HUWE1: variants seen among roughly 807,000 people sequenced by gnomAD.
The protein encoded by HUWE1 is HECT, UBA and WWE domain containing E3 ubiquitin protein ligase 1, also known as E3 ubiquitin-protein ligase HUWE1.
In HUWE1, 18 loss-of-function variants were observed where a neutral mutation model predicts 299.4. That is an observed-to-expected ratio of 0.06 (90% CI 0.04 to 0.09). The LOEUF (loss-of-function observed/expected upper bound fraction) is 0.09. HUWE1 is among the 10% of genes least tolerant of loss of function. The pLI is 1.00. For missense variants in HUWE1, 1,832 were observed against 3,462.3 expected (o/e 0.53, Z 11.82); for synonymous variants, 1,317 against 1,286.1 (o/e 1.02, Z -0.51).
At chrX:53,535,683 G>C (rs1378113280) in intron 80 of HUWE1, among the ~76,000 whole-genome samples, 182 bp from the exon 81 acceptor site, 1 of 111,499 alleles carries the variant, frequency 9.0e-6, no homozygotes, top group Non-Finnish European at 1.9e-5. Context: ...AAAGGCTTTG[G>C]GTAGGAAAGA....
intron 42 of HUWE1, among the ~76,000 whole-genome samples, chrX:53,582,254 C>T (rs1305887746): frequency 1.8e-5 from 2 of 112,438 alleles, no homozygotes; most frequent in Non-Finnish European, 3.8e-5. Context: ...TTATAGAAAG[C>T]GTTTCAAGCA....
At chrX:53,591,276 C>T (rs1602936193) in intron 33 of HUWE1, among the ~76,000 whole-genome samples, 154 bp from the exon 34 acceptor site, 1 of 112,132 alleles carries the variant, frequency 8.9e-6, no homozygotes, top group African/African-American at 3.2e-5. Flanking sequence ...AATGAACAAT[C>T]CTTTCTGTTT....
At chrX:53,648,782 C>A (rs1557038096) in intron 4 of HUWE1, among the ~76,000 whole-genome samples, 1 of 111,512 alleles carries the variant, frequency 9.0e-6, no homozygotes, top group Admixed American at 9.5e-5. Context: ...AAGATTAGCA[C>A]TAGCTATATT....
intron 3 of HUWE1, among the ~76,000 whole-genome samples, chrX:53,655,769 G>A (rs1034896938): frequency 1.1e-4 from 12 of 111,797 alleles, no homozygotes; most frequent in African/African-American, 3.3e-4. Flanking sequence ...GCTGCAAGAC[G>A]TAGCAGCCAG....
At chrX:53,645,720 GAAAAA>G (rs1228305226) in intron 6 of HUWE1, among the ~76,000 whole-genome samples, 2 of 24,433 alleles carry the variant, frequency 8.2e-5, no homozygotes, top group Non-Finnish European at 5.9e-5. Context: ...CTCAAAAAAA[GAAAAA>G]AAAAAAAAAA....
chrX:53,654,732 A>G (rs1557042148), intron 3 of HUWE1, among the ~76,000 whole-genome samples: 1 of 112,597 alleles, frequency 8.9e-6, no homozygotes, highest in African/African-American at 3.2e-5. Flanking sequence ...ATGATGAAAT[A>G]AAAAGATTAC....
At chrX:53,592,666 C>T in intron 32 of HUWE1, 38 bp from the exon 33 acceptor site, 1 of 1,003,016 alleles carries the variant, frequency 1.0e-6, no homozygotes, top group Non-Finnish European at 1.4e-6. Context: ...AATCATTTTG[C>T]TTCAATTCAA....
At chrX:53,564,354 A>G (rs1014149485) in intron 51 of HUWE1, among the ~76,000 whole-genome samples, 2 of 111,576 alleles carry the variant, frequency 1.8e-5, no homozygotes, top group African/African-American at 3.3e-5. Flanking sequence ...GTTGGGATCT[A>G]TATCATTTCA....
chrX:53,602,735 G>T (rs1556992359), intron 27 of HUWE1, 77 bp from the exon 28 acceptor site: 4 of 559,787 alleles, frequency 7.1e-6, no homozygotes, highest in Non-Finnish European at 1.1e-5. Context: ...ATTGTAAATG[G>T]TCTCTAATTT....
chrX:53,624,716 G>A (rs782188061), intron 18 of HUWE1, 41 bp from the exon 19 acceptor site: 65 of 970,993 alleles, frequency 6.7e-5, no homozygotes, highest in Non-Finnish European at 9.6e-5. Flanking sequence ...CGAATAGTCT[G>A]GAAAGGTGTG....
chrX:53,669,582 A>C (rs2069416775), intron 3 of HUWE1, among the ~76,000 whole-genome samples: 1 of 112,710 alleles, frequency 8.9e-6, no homozygotes, highest in African/African-American at 3.2e-5. Flanking sequence ...AATATTAAAC[A>C]TGAACAATCT....
At chrX:53,594,733 CCA>C (rs2064361103) in intron 30 of HUWE1, 112 bp from the exon 31 acceptor site, 7 of 739,800 alleles carry the variant, frequency 9.5e-6, no homozygotes, top group Non-Finnish European at 1.5e-5. Flanking sequence ...GTGACACCTC[CCA>C]CCTACTAAAG....
chrX:53,534,778 C>G lies in HUWE1; in HGVS notation c.12650-81G>C, dbSNP rs782341837. The G allele has an allele frequency of 1.4e-4, 121 of 888,433 alleles. No homozygotes were observed. In the African/African-American group the frequency reaches 2.1e-3, roughly 16 times the overall value. The allele number at this position is 888,433 out of a possible 1,213,427, so 73.2% of individuals were successfully genotyped here. A position where few individuals can be genotyped will look rare whatever the true frequency, so the allele number is the denominator to read the frequency against. ...CAGAGATCCCCCATCTGGCTCCCAT[C>G]TACCACTGTTAGCTGGGACTACAGG... On this transcript the variant is annotated intron_variant, in intron 81 of 83. Coordinates refer to ENST00000262854, the MANE Select transcript of HUWE1 (RefSeq NM_031407.7).
intron 2 of HUWE1, chrX:53,683,845 T>TGGGGGGGGGG: frequency 1.0e-5 from 2 of 191,737 alleles, no homozygotes; most frequent in Non-Finnish European, 9.6e-6. Flanking sequence ...CCCTAGTCAC[T>TGGGGGGGGGG]GCCCCCCCAC....
intron 43 of HUWE1, among the ~76,000 whole-genome samples, chrX:53,578,574 G>A (rs1196833620): frequency 1.0e-5 from 1 of 97,478 alleles, no homozygotes; most frequent in Admixed American, 1.0e-4. Flanking sequence ...CGTCCGGGAG[G>A]GGGGAGGGGG....
intron 23 of HUWE1, among the ~76,000 whole-genome samples, chrX:53,610,458 G>A (rs1557001107): frequency 8.9e-6 from 1 of 111,837 alleles, no homozygotes; most frequent in Non-Finnish European, 1.9e-5. Context: ...CTTTCCAACA[G>A]GACTCAACTT....
rs782248008 is a variant in HUWE1, at chrX:53,580,500, G to GA, written c.5716+330dup. Among the ~76,000 whole-genome samples the GA allele has an allele frequency of 3.6e-5, 4 of 111,901 alleles. No homozygotes were observed. In the South Asian group the frequency reaches 1.5e-3, roughly 41 times the overall value. ...ACGTCTATTTCGCACTGTGTTACAC[G>GA]AGACATACATCCATTTAACCCTTAA... On this transcript the variant is annotated intron_variant, in intron 43 of 83. Transcript: ENST00000262854.
intron 3 of HUWE1, among the ~76,000 whole-genome samples, chrX:53,660,383 C>G (rs1385135185): frequency 8.9e-6 from 1 of 112,417 alleles, no homozygotes; most frequent in African/African-American, 3.2e-5. Context: ...TGCACACACA[C>G]AAATGTTCCC....
intron 2 of HUWE1, chrX:53,683,848 CCCCCCA>C: frequency 1.3e-5 from 2 of 152,030 alleles, no homozygotes; most frequent in Non-Finnish European, 1.3e-5. Flanking sequence ...TAGTCACTGC[CCCCCCA>C]CCCCCCACCC....
Sources: allele counts gnomAD v4.1 joint callset (sites outside exome capture counted in the v4.1 genomes callset), GRCh38; gene constraint gnomAD v4.1.1; transcripts MANE v1.5; gene names NCBI Gene and HGNC (gene_info 2026-07-23, HGNC 2026-07-21).